The following CENPN variants were observed in gnomAD, a reference collection of about 807,000 sequenced individuals.
CENPN encodes the protein interphase centromere complex protein 32.
CENPN carries 36 observed loss-of-function variants against 48.6 expected under a neutral mutation model. That is an observed-to-expected ratio of 0.74 (90% CI 0.57 to 0.98). The LOEUF is 0.98. Ranked by LOEUF, CENPN falls within the 50% of genes least tolerant of loss-of-function variation. CENPN has a pLI of 0.00. For missense variants in CENPN, 439 were observed against 399.2 expected, an observed-to-expected ratio of 1.10 and a Z score of -0.85; for synonymous variants, 166 against 135.2, an observed-to-expected ratio of 1.23 and a Z score of -1.58.
At chr16:81,020,323 C>T (rs747159644) in intron 6 of CENPN, 47 bp downstream of exon 6, 3 of 1,551,478 alleles carry the variant, frequency 1.9e-6, no homozygotes, top group Non-Finnish European at 2.6e-6. Context: ...TATCCTATCT[C>T]AAAGGTCTAT....
chr16:81,009,322 C>G (rs573037672), intron 1 of CENPN, among the ~76,000 whole-genome samples: 2 of 152,294 alleles, frequency 1.3e-5, no homozygotes, highest in Admixed American at 6.5e-5. Flanking sequence ...ACCAGAATTG[C>G]AAGAAGTCAC....
rs150931806 is a variant in CENPN, at chr16:81,007,951, A to G, written c.-11+674A>G. On this transcript the variant is annotated intron_variant, in intron 1 of 10. Transcript: ENST00000305850. The stretch of plus-strand genomic sequence containing the variant: ...GTGAAACCCCGTCTCTACTAAAAAT[A>G]CAAAAATTAACCGGACGTGGTATCG... 7.2e-5 allele frequency among the ~76,000 whole-genome samples: 11 copies of G among 152,180 alleles called. 1 individual carries two copies. The Middle Eastern group carries it at 0.01, about 141-fold the overall frequency.
intron 1 of CENPN, among the ~76,000 whole-genome samples, chr16:81,009,984 A>G (rs1456528229): frequency 6.6e-6 from 1 of 152,216 alleles, no homozygotes; most frequent in African/African-American, 2.4e-5. Flanking sequence ...AGATCACTTG[A>G]GGTCAGGAGT....
chr16:81,012,203 A>C, intron 2 of CENPN, 93 bp downstream of exon 2: 1 of 1,177,390 alleles, frequency 8.5e-7, no homozygotes, highest in Non-Finnish European at 1.2e-6. Context: ...GATGTAAGGT[A>C]GCTGCTAAAC....
intron 1 of CENPN, among the ~76,000 whole-genome samples, chr16:81,010,837 C>G (rs1204295409): frequency 6.6e-6 from 1 of 152,108 alleles, no homozygotes; most frequent in South Asian, 2.1e-4. Context: ...ATCTGGAAAC[C>G]CCGTGAGTTC....
intron 3 of CENPN, 71 bp downstream of exon 3, chr16:81,014,252 T>C (rs932458066): frequency 2.3e-6 from 3 of 1,305,734 alleles, no homozygotes; most frequent in East Asian, 4.6e-5. Context: ...TCTTTCTTTG[T>C]GAGACAGGGT....
At chr16:81,014,566 G>A (rs1018809849) in intron 3 of CENPN, among the ~76,000 whole-genome samples, 1 of 152,090 alleles carries the variant, frequency 6.6e-6, no homozygotes, top group African/African-American at 2.4e-5. Flanking sequence ...TAGAGTTCAG[G>A]AGACCTTGTT....
chr16:81,024,605 T>C, intron 7 of CENPN, 110 bp from the exon 8 acceptor site: 1 of 692,668 alleles, frequency 1.4e-6, no homozygotes, highest in Admixed American at 3.0e-5. Context: ...TTTGGATCTT[T>C]CTGTTGGAAA....
chr16:81,012,918 C>G (rs1004788657), intron 2 of CENPN, among the ~76,000 whole-genome samples: 1 of 152,100 alleles, frequency 6.6e-6, no homozygotes, highest in African/African-American at 2.4e-5. Flanking sequence ...AATAAATATA[C>G]TTTTTGACCT....
chr16:81,013,434 A>G (rs887210029), intron 2 of CENPN, among the ~76,000 whole-genome samples: 4 of 152,168 alleles, frequency 2.6e-5, no homozygotes, highest in African/African-American at 9.7e-5. Context: ...CGGTGATAAG[A>G]AAGGGACACA....
rs115830901 is a variant in CENPN at position 81,016,160 on chromosome 16, G to A, written c.218-1166G>A. Among the ~76,000 whole-genome samples, 771 of 152,228 alleles carry A rather than the reference G, an allele frequency of 5.1e-3. 6 individuals are homozygous for A. Among genetic ancestry groups the A allele is most frequent in the African/African-American group, 0.018 (734 of 41,526 alleles). ...TTCTACTCCAAGACACTCCAAGTTTGTAACTCCTGAAAGGTGTTTTCTGTC... is the reference window on the plus strand; with the variant it reads ...TTCTACTCCAAGACACTCCAAGTTTATAACTCCTGAAAGGTGTTTTCTGTC... On this transcript the variant is annotated intron_variant, in intron 3 of 10. Transcript: ENST00000305850.
rs1970662163 is a variant in CENPN at position 81,029,366 on chromosome 16, T to A, written c.*715T>A. On this transcript the variant is annotated 3_prime_UTR_variant, in exon 11 of 11. Coordinates refer to ENST00000305850, the MANE Select transcript of CENPN (RefSeq NM_001100624.3). ...TCAGTGATCATCACTAAATACCCTA[T>A]CTTTTTAAAAATTTTTTCCTTTCTA... is the stretch of plus-strand genomic sequence containing the variant. 1.1e-6 allele frequency: 1 copy of A among 921,178 alleles called. No individual in the cohort carries two copies. Among genetic ancestry groups the A allele is most frequent in the Non-Finnish European group, 1.3e-6 (1 of 771,618 alleles). The allele number at this position is 921,178 out of a possible 1,614,324, so 57.1% of individuals were successfully genotyped here.
At chr16:81,026,191 A>ATGTG (rs1970483076) in intron 8 of CENPN, among the ~76,000 whole-genome samples, 1 of 145,812 alleles carries the variant, frequency 6.9e-6, no homozygotes, top group East Asian at 2.0e-4. Context: ...GTGTGTATAT[A>ATGTG]TATGTATATA....
Position 81,030,130 on chromosome 16 carries a change from C to G in CENPN, c.*1479C>G, listed in dbSNP as rs71400135. Reference sequence around the variant, plus strand: ...ATCGTTCCCATGACTCAAGTATCTCCACCTGGCCCTGCCCTTGTCACATGG... The same window carrying G: ...ATCGTTCCCATGACTCAAGTATCTCGACCTGGCCCTGCCCTTGTCACATGG... On this transcript the variant is annotated 3_prime_UTR_variant, in exon 11 of 11. Transcript: ENST00000305850. 4,397 of 878,722 alleles carry G rather than the reference C, an allele frequency of 5.0e-3. 41 individuals are homozygous for G. Among genetic ancestry groups the G allele is most frequent in the East Asian group, 0.05 (416 of 8,314 alleles). The allele number at this position is 878,722 out of a possible 1,614,324, so 54.4% of individuals were successfully genotyped here.
intron 2 of CENPN, 46 bp from the exon 3 acceptor site, chr16:81,014,090 C>T: frequency 6.5e-7 from 1 of 1,543,056 alleles, no homozygotes; most frequent in Non-Finnish European, 9.0e-7. Flanking sequence ...CGGGATAGAA[C>T]CAAACCTATA....
At chr16:81,032,742 A>G, downstream of CENPN, 1 of 1,562,250 alleles carries the variant, frequency 6.4e-7, no homozygotes, top group Non-Finnish European at 8.7e-7. Context: ...AATCAAATGT[A>G]TGTCTCTCCT....
Position 81,030,444 on chromosome 16 carries a change from T to G in CENPN, c.*1793T>G. ...CACATTAAGCAAGTGTGAAACATGATATAGAAAAATGACTTCACTCTGGGC... is the reference window on the plus strand; with the variant it reads ...CACATTAAGCAAGTGTGAAACATGAGATAGAAAAATGACTTCACTCTGGGC... On this transcript the variant is annotated 3_prime_UTR_variant, in exon 11 of 11. Transcript: ENST00000305850. 1.0e-6 allele frequency: 1 copy of G among 977,206 alleles called. No individual in the cohort carries two copies. Among genetic ancestry groups the G allele is most frequent in the Non-Finnish European group, 1.2e-6 (1 of 822,592 alleles). 60.5% of individuals were successfully genotyped at this position (977,206 alleles called of 1,614,324 possible).
At chr16:81,011,567 A>G (rs1413375849) in intron 1 of CENPN, among the ~76,000 whole-genome samples, 3 of 152,254 alleles carry the variant, frequency 2.0e-5, no homozygotes, top group Non-Finnish European at 4.4e-5. Context: ...AAAAGGAGAG[A>G]TAGCACTAAT....
At chr16:81,022,009 T>C (rs1194098275) in intron 6 of CENPN, among the ~76,000 whole-genome samples, 1 of 152,224 alleles carries the variant, frequency 6.6e-6, no homozygotes, top group Non-Finnish European at 1.5e-5. Context: ...TCCACCTGCC[T>C]TGGCCTGCCA....
Sources: allele counts gnomAD v4.1 joint callset (sites outside exome capture counted in the v4.1 genomes callset), GRCh38; gene constraint gnomAD v4.1.1; transcripts MANE v1.5; gene names NCBI Gene and HGNC (gene_info 2026-07-23, HGNC 2026-07-21).